Variants in PAQR8 observed in about 807,000 individuals in gnomAD.
The protein encoded by PAQR8 is progestin and adipoQ receptor family member 8.
Under a neutral mutation model 25.2 loss-of-function variants are expected in PAQR8, and 17 were observed. The observed-to-expected ratio is 0.67, with a 90% CI of 0.46 to 1.01. The LOEUF is 1.01. PAQR8 is among the 50% of genes least tolerant of loss of function. The pLI is 0.00. For synonymous variants in PAQR8, 204 were observed against 190.6 expected (o/e 1.07, Z -0.58); for missense variants, 392 against 448.4 (o/e 0.87, Z 1.14).
rs1418079041 is a variant in PAQR8 at position 52,403,341 on chromosome 6, C to T, written c.128C>T (p.Pro43Leu). The change falls in exon 2 of 2, where the codon CCC becomes CTC. Residue 43 changes from proline to leucine, a missense_variant. Physicochemically the swap from Pro to Leu is moderately conservative, Grantham distance 98. Transcript: ENST00000442253. ...TGCACTGTCCCAGAAACGGATGTGC[C>T]CCAGCTCTTCCGGGAGCCTTACATC... ...MPCTVPETDV[P>L]QLFREPYIRT... The T allele has an allele frequency of 1.2e-6, 2 of 1,614,118 alleles. No individual in the cohort carries two copies. Among genetic ancestry groups the T allele is most frequent in the Non-Finnish European group, 1.7e-6 (2 of 1,180,044 alleles).
intron 1 of PAQR8, among the ~76,000 whole-genome samples, chr6:52,365,121 CTTG>C (rs1346478840): frequency 6.6e-6 from 1 of 151,344 alleles, no homozygotes; most frequent in African/African-American, 2.4e-5. Flanking sequence ...ATACAAAAGA[CTTG>C]TTGTCTCACC....
At chr6:52,399,667 CTATAGTCACTGGGGT>C (rs1424704427) in intron 1 of PAQR8, among the ~76,000 whole-genome samples, 1 of 152,164 alleles carries the variant, frequency 6.6e-6, no homozygotes, top group Non-Finnish European at 1.5e-5. Context: ...ATTCCTTCTT[CTATAGTCACTGGGGT>C]TATACCCAGT....
intron 1 of PAQR8, among the ~76,000 whole-genome samples, chr6:52,374,254 T>C (rs755340617): frequency 3.3e-5 from 5 of 152,222 alleles, no homozygotes; most frequent in Admixed American, 2.0e-4. Flanking sequence ...AATGGGCTAA[T>C]ACACTAGTCA....
intron 1 of PAQR8, among the ~76,000 whole-genome samples, chr6:52,377,758 T>TC (rs1763502008): frequency 1.0e-5 from 1 of 97,342 alleles, no homozygotes; most frequent in Non-Finnish European, 2.2e-5. Context: ...AAACTTAACT[T>TC]CCCCTTTAAG....
At chr6:52,376,767 CAT>C (rs1763489807) in intron 1 of PAQR8, among the ~76,000 whole-genome samples, 1 of 152,102 alleles carries the variant, frequency 6.6e-6, no homozygotes, top group Non-Finnish European at 1.5e-5. Flanking sequence ...TTTTGGATGT[CAT>C]ATAAAAAGAG....
chr6:52,394,652 T>G (rs1225948128), intron 1 of PAQR8, among the ~76,000 whole-genome samples: 1 of 152,210 alleles, frequency 6.6e-6, no homozygotes, highest in African/African-American at 2.4e-5. Context: ...TTTCCCCACC[T>G]GTAGGCTAAG....
intron 1 of PAQR8, among the ~76,000 whole-genome samples, chr6:52,385,257 T>C (rs1040473559): frequency 1.3e-5 from 2 of 152,222 alleles, no homozygotes; most frequent in Non-Finnish European, 2.9e-5. Flanking sequence ...TCATTCTCTC[T>C]CTACTGGCTG....
intron 1 of PAQR8, among the ~76,000 whole-genome samples, chr6:52,381,120 G>A (rs1763554214): frequency 6.6e-6 from 1 of 151,170 alleles, no homozygotes; most frequent in Admixed American, 6.6e-5. Context: ...CCCCAATCCT[G>A]TCTTCTGGTC....
At chr6:52,367,019 C>T (rs1763361786) in intron 1 of PAQR8, among the ~76,000 whole-genome samples, 1 of 152,182 alleles carries the variant, frequency 6.6e-6, no homozygotes, top group Non-Finnish European at 1.5e-5. Flanking sequence ...GCTGGGATTA[C>T]AGGCGTAAAC....
chr6:52,405,537 T>C lies in PAQR8; in HGVS notation c.*1259T>C, dbSNP rs939144658. The C allele has an allele frequency of 6.0e-6, 1 of 167,050 alleles. No individual in the cohort carries two copies. Among genetic ancestry groups the C allele is most frequent in the Admixed American group, 6.5e-5 (1 of 15,276 alleles). The allele number at this position is 167,050 out of a possible 1,614,324, so 10.3% of individuals were successfully genotyped here. A position where few individuals can be genotyped will look rare whatever the true frequency, so the allele number is the denominator to read the frequency against. The stretch of plus-strand genomic sequence containing the variant: ...TCTATGGGATAGGTGGTGCTTGGGA[T>C]TGATGTGTTGTGGCCATGCAGCCCT... On this transcript the variant is annotated 3_prime_UTR_variant, in exon 2 of 2. Coordinates refer to ENST00000442253, the MANE Select transcript of PAQR8 (RefSeq NM_133367.5).
rs1372234229 is a variant in PAQR8 at position 52,362,577 on chromosome 6, C to G, written c.-53+328C>G. 6.5e-6 allele frequency: 1 copy of G among 154,186 alleles called. No individual in the cohort carries two copies. Among genetic ancestry groups the G allele is most frequent in the African/African-American group, 2.4e-5 (1 of 41,476 alleles). 9.6% of individuals were successfully genotyped at this position (154,186 alleles called of 1,614,324 possible). A position where few individuals can be genotyped will look rare whatever the true frequency, so the allele number is the denominator to read the frequency against. On this transcript the variant is annotated intron_variant, in intron 1 of 1. Coordinates refer to ENST00000442253, the MANE Select transcript of PAQR8 (RefSeq NM_133367.5). This position sits in a 1 kb window ranked among gnomAD's most constrained non-coding sequence, Gnocchi z 4.1. ...ATGCTGGGGAGTCATGGAGCCTGAG[C>G]CTGGAGAGCTGGCGGGGGTGTGGGG...
chr6:52,389,844 C>G (rs1763678069), intron 1 of PAQR8, among the ~76,000 whole-genome samples: 1 of 152,228 alleles, frequency 6.6e-6, no homozygotes, highest in Non-Finnish European at 1.5e-5. Context: ...TCTTCACGTT[C>G]ACCCGGGTTG....
At chr6:52,370,625 G>T (rs1196394283) in intron 1 of PAQR8, among the ~76,000 whole-genome samples, 1 of 152,152 alleles carries the variant, frequency 6.6e-6, no homozygotes, top group Non-Finnish European at 1.5e-5. Flanking sequence ...GTGTAATTCA[G>T]GAGAAACAAC....
At chr6:52,391,099 G>A (rs996374450) in intron 1 of PAQR8, among the ~76,000 whole-genome samples, 7 of 152,296 alleles carry the variant, frequency 4.6e-5, no homozygotes, top group African/African-American at 1.7e-4. Context: ...TACTTCATCT[G>A]TACCATGTTT....
chr6:52,397,856 G>T (rs532741336), intron 1 of PAQR8, among the ~76,000 whole-genome samples: 1 of 152,242 alleles, frequency 6.6e-6, no homozygotes, highest in African/African-American at 2.4e-5. Flanking sequence ...GCAGCCACCT[G>T]GGAAGGCTGG....
At chr6:52,387,048 G>A (rs1763640929) in intron 1 of PAQR8, among the ~76,000 whole-genome samples, 1 of 152,034 alleles carries the variant, frequency 6.6e-6, no homozygotes, top group Admixed American at 6.6e-5. Flanking sequence ...GTCTCACTCT[G>A]TCACCCAGGC....
At chr6:52,384,197 G>A (rs542431912) in intron 1 of PAQR8, among the ~76,000 whole-genome samples, 2 of 152,224 alleles carry the variant, frequency 1.3e-5, no homozygotes, top group South Asian at 4.1e-4. Flanking sequence ...GGAGAAATTT[G>A]GTTTTAAACA....
chr6:52,403,136 T>A (rs1002834321), intron 1 of PAQR8, 26 bp from the exon 2 acceptor site: 3 of 1,283,190 alleles, frequency 2.3e-6, no homozygotes, highest in Non-Finnish European at 3.2e-6. Context: ...ACTGCGGCTT[T>A]GCCAATTTTC....
chr6:52,403,115 A>G (rs1763855466), intron 1 of PAQR8, 47 bp from the exon 2 acceptor site: 6 of 968,548 alleles, frequency 6.2e-6, no homozygotes, highest in Non-Finnish European at 7.5e-6. Context: ...TCTTAGCTGC[A>G]TTCGTGTCTC....
Sources: allele counts gnomAD v4.1 joint callset (sites outside exome capture counted in the v4.1 genomes callset), GRCh38; gene constraint gnomAD v4.1.1; non-coding constraint Gnocchi (gnomAD v3.1); transcripts MANE v1.5; gene names NCBI Gene and HGNC (gene_info 2026-07-23, HGNC 2026-07-21).